The following MDGA2 variants were observed in gnomAD, a reference collection of about 807,000 sequenced individuals.
The protein encoded by MDGA2 is MAM domain-containing glycosylphosphatidylinositol anchor protein 2.
A neutral mutation model predicts 117.8 loss-of-function variants in MDGA2; 40 were observed. That is an observed-to-expected ratio of 0.34 (90% CI 0.26 to 0.44). The LOEUF (loss-of-function observed/expected upper bound fraction) is 0.44. Ranked by LOEUF, MDGA2 falls within the 20% of genes least tolerant of loss-of-function variation. The pLI is 1.00. For missense variants in MDGA2, 1,123 were observed against 1,250.6 expected, an observed-to-expected ratio of 0.90 and a Z score of 1.54; for synonymous variants, 452 against 439.0, an observed-to-expected ratio of 1.03 and a Z score of -0.37.
At chr14:47,117,266 G>C (rs1881382476) in intron 5 of MDGA2, among the ~76,000 whole-genome samples, 1 of 152,130 alleles carries the variant, frequency 6.6e-6, no homozygotes, top group Non-Finnish European at 1.5e-5. Context: ...ATAAGTGTCA[G>C]CAAGGATGTG....
At chr14:47,626,739 C>T (rs1257581970) in intron 1 of MDGA2, among the ~76,000 whole-genome samples, 1 of 152,212 alleles carries the variant, frequency 6.6e-6, no homozygotes, top group East Asian at 1.9e-4. Context: ...CGGCCCTTAG[C>T]TGCCTCCCAG....
At position 46,857,889 on chromosome 14, in the gene MDGA2, G is replaced by A. The variant is rs1881335859; in HGVS notation, c.2753-2735C>T. The stretch of plus-strand genomic sequence containing the variant: ...CAGGTAGATCTCCAACTGAGTTCAA[G>A]CAATCCTCCTGCCTTGGCTTCCCAA... On this transcript the variant is annotated intron_variant, in intron 14 of 16. Coordinates refer to ENST00000399232, the MANE Select transcript of MDGA2 (RefSeq NM_001113498.3). Among the ~76,000 whole-genome samples, 6 of 152,024 alleles carry A rather than the reference G, an allele frequency of 3.9e-5. No individual in the cohort carries two copies. The South Asian group carries it at 1.2e-3, about 32-fold the overall frequency.
At chr14:47,072,100 T>TTG (rs1483076953) in intron 6 of MDGA2, among the ~76,000 whole-genome samples, 2 of 27,894 alleles carry the variant, frequency 7.2e-5, no homozygotes, top group East Asian at 9.4e-4. Flanking sequence ...TTGTTGTTGT[T>TTG]TGGGGGGGGG....
intron 6 of MDGA2, among the ~76,000 whole-genome samples, chr14:47,067,422 GA>G (rs1336934938): frequency 2.0e-5 from 3 of 152,204 alleles, no homozygotes; most frequent in South Asian, 4.1e-4. Context: ...TGAGCATCAC[GA>G]AATAATCAGC....
chr14:47,500,904 A>T (rs1433668427), intron 1 of MDGA2, among the ~76,000 whole-genome samples: 3 of 152,168 alleles, frequency 2.0e-5, no homozygotes, highest in Non-Finnish European at 4.4e-5. Flanking sequence ...AAATACAAAA[A>T]GGGTAATAAA....
intron 1 of MDGA2, among the ~76,000 whole-genome samples, chr14:47,637,230 T>G (rs1292628477): frequency 1.3e-5 from 2 of 152,180 alleles, no homozygotes; most frequent in East Asian, 3.9e-4. Context: ...CCCAGTTGGC[T>G]AGGGGTACAA....
intron 1 of MDGA2, among the ~76,000 whole-genome samples, chr14:47,416,080 G>A (rs1892469590): frequency 6.6e-6 from 1 of 152,038 alleles, no homozygotes; most frequent in African/African-American, 2.4e-5. Flanking sequence ...CATCTCAGTA[G>A]CCCCCAAAGT....
At chr14:47,640,232 T>C (rs1897399055) in intron 1 of MDGA2, among the ~76,000 whole-genome samples, 1 of 152,184 alleles carries the variant, frequency 6.6e-6, no homozygotes, top group South Asian at 2.1e-4. Flanking sequence ...AGTCAAGGAT[T>C]TGAGAATCAT....
At chr14:47,057,366 T>C (rs1889715471) in intron 7 of MDGA2, among the ~76,000 whole-genome samples, 1 of 152,044 alleles carries the variant, frequency 6.6e-6, no homozygotes, top group Non-Finnish European at 1.5e-5. Context: ...ATTTAGATTG[T>C]AAGCTCCTTA....
chr14:47,468,135 T>C, intron 1 of MDGA2, among the ~76,000 whole-genome samples: 1 of 152,206 alleles, frequency 6.6e-6, no homozygotes, highest in South Asian at 2.1e-4. Flanking sequence ...AGTGTTGCAA[T>C]CCTCTAACAA....
chr14:47,651,302 A>T (rs1017437601), intron 1 of MDGA2, among the ~76,000 whole-genome samples: 3 of 151,802 alleles, frequency 2.0e-5, no homozygotes, highest in Admixed American at 1.3e-4. Context: ...GTTTCTCTGA[A>T]GAGCTCCAAT....
At chr14:47,585,430 T>C (rs1896305846) in intron 1 of MDGA2, among the ~76,000 whole-genome samples, 2 of 151,898 alleles carry the variant, frequency 1.3e-5, no homozygotes, top group South Asian at 4.1e-4. Context: ...CTAACCCCAG[T>C]TTTCTTATCT....
intron 15 of MDGA2, among the ~76,000 whole-genome samples, chr14:46,852,484 A>C (rs1881098485): frequency 6.6e-6 from 1 of 151,854 alleles, no homozygotes; most frequent in Non-Finnish European, 1.5e-5. Context: ...ATACCAGAGA[A>C]AAACAGTGGC....
Position 47,113,661 on chromosome 14 carries a change from G to C in MDGA2, c.926-16538C>G, listed in dbSNP as rs192363530. On this transcript the variant is annotated intron_variant, in intron 5 of 16. Coordinates refer to ENST00000399232, the MANE Select transcript of MDGA2 (RefSeq NM_001113498.3). ...GCAGAACTAAAGACAAAAACCACTT[G>C]ATTATCTCAACAGACACCAAAAAGG... is the stretch of plus-strand genomic sequence containing the variant. Among the ~76,000 whole-genome samples the C allele has an allele frequency of 1.7e-3, 261 of 152,166 alleles. 1 individual carries two copies. Among genetic ancestry groups the C allele is most frequent in the African/African-American group, 5.8e-3 (242 of 41,512 alleles).
At position 47,563,049 on chromosome 14, in the gene MDGA2, A is replaced by T. The variant is rs186594536; in HGVS notation, c.280+111468T>A. Among the ~76,000 whole-genome samples, 44 of 152,114 alleles carry T rather than the reference A, an allele frequency of 2.9e-4. No individual in the cohort carries two copies. In the East Asian group the frequency reaches 7.4e-3, roughly 25 times the overall value. Reference sequence around the variant, plus strand: ...CCATATAATGTTATGGTTTTGAGTCATTTTTTTAGTATCAATTTCTATTTC... The same window carrying T: ...CCATATAATGTTATGGTTTTGAGTCTTTTTTTTAGTATCAATTTCTATTTC... On this transcript the variant is annotated intron_variant, in intron 1 of 16. Transcript: ENST00000399232.
intron 1 of MDGA2, among the ~76,000 whole-genome samples, chr14:47,453,446 T>G (rs1893281616): frequency 6.6e-6 from 1 of 152,004 alleles, no homozygotes; most frequent in African/African-American, 2.4e-5. Flanking sequence ...AATCTGGGAG[T>G]GATTTGTTAC....
chr14:47,172,235 A>G (rs1278738993), intron 3 of MDGA2, among the ~76,000 whole-genome samples: 1 of 152,080 alleles, frequency 6.6e-6, no homozygotes, highest in Non-Finnish European at 1.5e-5. Context: ...GACAAATAAA[A>G]AGACAGCAGT....
At chr14:47,226,376 G>A (rs956981801) in intron 2 of MDGA2, among the ~76,000 whole-genome samples, 2 of 151,998 alleles carry the variant, frequency 1.3e-5, no homozygotes, top group African/African-American at 2.4e-5. Flanking sequence ...GTAAAATAGC[G>A]GGGCGAGGAC....
chr14:47,003,657 T>C (rs1222802852), intron 8 of MDGA2, among the ~76,000 whole-genome samples: 1 of 152,086 alleles, frequency 6.6e-6, no homozygotes, highest in Non-Finnish European at 1.5e-5. Context: ...AATTTTCTCA[T>C]CACTGAGTTT....
Sources: allele counts gnomAD v4.1 joint callset (sites outside exome capture counted in the v4.1 genomes callset), GRCh38; gene constraint gnomAD v4.1.1; transcripts MANE v1.5; gene names NCBI Gene and HGNC (gene_info 2026-07-23, HGNC 2026-07-21).